Variants in SLC25A26 observed in about 807,000 individuals in gnomAD.
SLC25A26 encodes the protein mitochondrial S-adenosylmethionine carrier protein.
In SLC25A26, 36 loss-of-function variants were observed where a neutral mutation model predicts 37.8. The ratio of observed to expected loss-of-function variants is 0.95; its 90% CI spans 0.73 to 1.26. The LOEUF is 1.26. Ranked by LOEUF, SLC25A26 falls within the 50% of genes most tolerant of loss-of-function variation. The pLI is 0.00. For missense variants in SLC25A26, 390 were observed against 331.1 expected (o/e 1.18, Z -1.38); for synonymous variants, 129 against 122.5 (o/e 1.05, Z -0.35).
rs572466144 is a variant in SLC25A26, at chr3:66,317,182, G to T, written c.454-29182G>T. Among the ~76,000 whole-genome samples, 101 of 152,278 alleles carry T rather than the reference G, an allele frequency of 6.6e-4. No individual in the cohort carries two copies. In the Middle Eastern group the frequency reaches 0.01, roughly 15 times the overall value. On this transcript the variant is annotated intron_variant, in intron 5 of 9. Coordinates refer to ENST00000354883, the MANE Select transcript of SLC25A26 (RefSeq NM_001379210.1). ...GCTGTGATTATTTGGAGGAGAAGAGGCCCTCTGACTTTTTGAGTTTGCAGC... is the reference window on the plus strand; with the variant it reads ...GCTGTGATTATTTGGAGGAGAAGAGTCCCTCTGACTTTTTGAGTTTGCAGC...
At chr3:66,322,357 G>C (rs888074737) in intron 5 of SLC25A26, among the ~76,000 whole-genome samples, 2 of 152,150 alleles carry the variant, frequency 1.3e-5, no homozygotes, top group African/African-American at 4.8e-5. Context: ...TTCTCATTAA[G>C]CAATGAGATT....
chr3:66,238,443 C>T (rs977174205), intron 2 of SLC25A26, among the ~76,000 whole-genome samples: 10 of 152,020 alleles, frequency 6.6e-5, no homozygotes, highest in South Asian at 4.1e-4. Flanking sequence ...AGTGCAGTGG[C>T]GCCATCTCTG....
At chr3:66,305,769 G>A (rs764332999) in intron 5 of SLC25A26, among the ~76,000 whole-genome samples, 6 of 152,082 alleles carry the variant, frequency 3.9e-5, no homozygotes, top group Admixed American at 6.6e-5. Context: ...ACATACATGT[G>A]CGTGTGTCTT....
intron 5 of SLC25A26, among the ~76,000 whole-genome samples, chr3:66,278,281 G>A (rs1285224650): frequency 1.3e-5 from 2 of 152,004 alleles, no homozygotes; most frequent in African/African-American, 4.8e-5. Flanking sequence ...ATAATGACAA[G>A]TTAAATTTAA....
At chr3:66,342,957 A>T (rs2076243169) in intron 5 of SLC25A26, among the ~76,000 whole-genome samples, 1 of 152,218 alleles carries the variant, frequency 6.6e-6, no homozygotes, top group African/African-American at 2.4e-5. Context: ...TTGTAACTTT[A>T]GGTGCAATAA....
intron 1 of SLC25A26, among the ~76,000 whole-genome samples, chr3:66,231,157 A>T (rs900348870): frequency 6.6e-6 from 1 of 152,260 alleles, no homozygotes; most frequent in African/African-American, 2.4e-5. Context: ...ATGGGGTGAC[A>T]GAGTGAGACT....
intron 1 of SLC25A26, among the ~76,000 whole-genome samples, chr3:66,136,512 A>G (rs985038924): frequency 5.3e-5 from 8 of 152,242 alleles, no homozygotes; most frequent in Admixed American, 3.9e-4. Flanking sequence ...CTAAAATGGT[A>G]TTCTAACTCA....
intron 1 of SLC25A26, among the ~76,000 whole-genome samples, chr3:66,147,784 A>G (rs62245237): frequency 6.6e-6 from 1 of 151,888 alleles, no homozygotes; most frequent in African/African-American, 2.4e-5. Context: ...TTTGAGACAG[A>G]GCCTTGCTCT....
chr3:66,167,928 C>A (rs541636146), intron 1 of SLC25A26, among the ~76,000 whole-genome samples: 14 of 151,618 alleles, frequency 9.2e-5, no homozygotes, highest in African/African-American at 3.4e-4. Context: ...CCGAGGCGGG[C>A]GGATCACCTG....
intron 5 of SLC25A26, among the ~76,000 whole-genome samples, chr3:66,344,115 G>T (rs2076268673): frequency 6.6e-6 from 1 of 152,046 alleles, no homozygotes; most frequent in Non-Finnish European, 1.5e-5. Flanking sequence ...TCTTTCTGTG[G>T]TCACTGTCTG....
At chr3:66,135,030 C>T (rs1053340123) in intron 1 of SLC25A26, among the ~76,000 whole-genome samples, 1 of 151,980 alleles carries the variant, frequency 6.6e-6, no homozygotes, top group African/African-American at 2.4e-5. Flanking sequence ...GGGGTTTCAC[C>T]ATGTTGGTCA....
intron 1 of SLC25A26, among the ~76,000 whole-genome samples, chr3:66,210,965 G>A (rs970701545): frequency 7.9e-5 from 12 of 152,190 alleles, no homozygotes; most frequent in Non-Finnish European, 1.0e-4. Context: ...TAAAACATGT[G>A]AATAGCACAG....
intron 1 of SLC25A26, among the ~76,000 whole-genome samples, chr3:66,227,032 G>A (rs1010284880): frequency 1.3e-5 from 2 of 152,158 alleles, no homozygotes; most frequent in African/African-American, 4.8e-5. Flanking sequence ...TATAGAAGAA[G>A]CATCTTTTTA....
At chr3:66,245,759 C>G (rs1324568546) in intron 3 of SLC25A26, among the ~76,000 whole-genome samples, 1 of 152,032 alleles carries the variant, frequency 6.6e-6, no homozygotes, top group Admixed American at 6.6e-5. Flanking sequence ...AGAGGTAACA[C>G]AAAAGTAAAA....
intron 1 of SLC25A26, among the ~76,000 whole-genome samples, chr3:66,235,157 C>G (rs1048174031): frequency 1.6e-4 from 25 of 152,132 alleles, no homozygotes; most frequent in African/African-American, 5.8e-4. Flanking sequence ...GAATCTAGAT[C>G]TGTATTTTAA....
chr3:66,295,788 G>T (rs909445047), intron 5 of SLC25A26, among the ~76,000 whole-genome samples: 1 of 150,766 alleles, frequency 6.6e-6, no homozygotes, highest in Non-Finnish European at 1.5e-5. Context: ...GCAAGCCACC[G>T]TGCCCGGCCA....
At chr3:66,353,116 A>C (rs1032680329) in intron 6 of SLC25A26, among the ~76,000 whole-genome samples, 2 of 152,038 alleles carry the variant, frequency 1.3e-5, no homozygotes, top group Admixed American at 1.3e-4. Context: ...TGTTATCCCC[A>C]CCTTAAAACC....
At chr3:66,152,015 A>C (rs2070216290) in intron 1 of SLC25A26, among the ~76,000 whole-genome samples, 1 of 152,260 alleles carries the variant, frequency 6.6e-6, no homozygotes, top group Non-Finnish European at 1.5e-5. Flanking sequence ...AGTATGTAAC[A>C]GGGCATCTAA....
intron 5 of SLC25A26, among the ~76,000 whole-genome samples, chr3:66,291,818 C>A (rs751045295): frequency 6.6e-6 from 1 of 152,012 alleles, no homozygotes; most frequent in Non-Finnish European, 1.5e-5. Context: ...TATTAGGTCC[C>A]CTTGGTCCAG....
Sources: allele counts gnomAD v4.1 joint callset (sites outside exome capture counted in the v4.1 genomes callset), GRCh38; gene constraint gnomAD v4.1.1; transcripts MANE v1.5; gene names NCBI Gene and HGNC (gene_info 2026-07-23, HGNC 2026-07-21).